DNM2: variants seen among roughly 807,000 people sequenced by gnomAD.
DNM2 encodes dynamin-2.
Under a neutral mutation model 99.0 loss-of-function variants are expected in DNM2, and 15 were observed. The observed-to-expected ratio is 0.15, with a 90% CI of 0.10 to 0.23. DNM2 has a LOEUF of 0.23. Among genes scored for constraint, DNM2 ranks in the 10% least tolerant of loss-of-function variants. DNM2 has a pLI of 1.00. For synonymous variants in DNM2, 525 were observed against 481.2 expected (o/e 1.09, Z -1.19); for missense variants, 742 against 1,189.4 (o/e 0.62, Z 5.53).
intron 1 of DNM2, chr19:10,718,611 G>A (rs906151391): frequency 5.5e-6 from 4 of 732,296 alleles, no homozygotes; most frequent in East Asian, 4.2e-5. Context: ...GGGCCCCAGG[G>A]GCGGTGTCAC....
At position 10,830,919 on chromosome 19, in the gene DNM2, T is replaced by C; in HGVS notation, c.2544-59T>C. On this transcript the variant is annotated intron_variant, in intron 20 of 20. Coordinates refer to ENST00000389253, the MANE Select transcript of DNM2 (RefSeq NM_001005361.3). This position sits in a 1 kb window ranked among gnomAD's most constrained non-coding sequence, Gnocchi z 4.8. Reference sequence around the variant, plus strand: ...GCTGGGTCCTCAACCCAGGCCTGCCTCTTGCTCCCGGCCTCACTGCCGTCT... The same window carrying C: ...GCTGGGTCCTCAACCCAGGCCTGCCCCTTGCTCCCGGCCTCACTGCCGTCT... The C allele has an allele frequency of 1.3e-6, 2 of 1,561,636 alleles. No individual in the cohort carries two copies. The highest frequency in any genetic ancestry group is 1.7e-6 in the Non-Finnish European group (2 of 1,150,550).
At position 10,831,225 on chromosome 19, in the gene DNM2, A is replaced by T; in HGVS notation, c.*178A>T. The T allele has an allele frequency of 1.4e-6, 2 of 1,380,676 alleles. No homozygotes were observed. 85.5% of individuals were successfully genotyped at this position (1,380,676 alleles called of 1,614,324 possible). A position where few individuals can be genotyped will look rare whatever the true frequency, so the allele number is the denominator to read the frequency against. On this transcript the variant is annotated 3_prime_UTR_variant, in exon 21 of 21. Transcript: ENST00000389253. This position sits in a 1 kb window ranked among gnomAD's most constrained non-coding sequence, Gnocchi z 4.3. ...GCCCCTGTGCCTGGCTGGACACCGC[A>T]CTGCGCAAAGGGGCCCTGGAGCTCC...
chr19:10,741,772 C>G (rs987233883), intron 1 of DNM2, among the ~76,000 whole-genome samples: 9 of 151,382 alleles, frequency 5.9e-5, no homozygotes, highest in Non-Finnish European at 1.3e-4. Flanking sequence ...AGGATGGTCT[C>G]TATCTCCTGA....
intron 6 of DNM2, among the ~76,000 whole-genome samples, chr19:10,783,702 A>ATTTTTTTTT (rs1335201078): frequency 7.0e-6 from 1 of 142,518 alleles, no homozygotes; most frequent in Non-Finnish European, 1.5e-5. Context: ...TATTATTATT[A>ATTTTTTTTT]TTATTTTTTA....
rs761890287 is a variant in DNM2 at position 10,831,056 on chromosome 19, G to T, written c.*9G>T. 1.9e-6 allele frequency: 3 copies of T among 1,598,448 alleles called. No homozygotes were observed. The highest frequency in any genetic ancestry group is 1.1e-5 in the South Asian group (1 of 88,542). The stretch of plus-strand genomic sequence containing the variant: ...CATCCCTGCTCGACTAGGCCTCGAG[G>T]GGGGCGTGCTCTCGGGGGGGCCTCA... On this transcript the variant is annotated 3_prime_UTR_variant, in exon 21 of 21. Transcript: ENST00000389253. This position sits in a 1 kb window ranked among gnomAD's most constrained non-coding sequence, Gnocchi z 4.3.
chr19:10,783,675 T>TTTATTA (rs374887052), intron 6 of DNM2, among the ~76,000 whole-genome samples: 22 of 141,314 alleles, frequency 1.6e-4, no homozygotes, highest in Non-Finnish European at 2.4e-4. Context: ...CTCTTTTTTA[T>TTTATTA]TTATTATTAT....
intron 1 of DNM2, chr19:10,755,290 A>G (rs1408798450): frequency 6.6e-6 from 1 of 152,166 alleles, no homozygotes; most frequent in African/African-American, 2.4e-5. Flanking sequence ...CTGTGATTGC[A>G]TCACATGCTG....
intron 1 of DNM2, among the ~76,000 whole-genome samples, chr19:10,758,323 CTCCCTCCTTCCT>C (rs1568282780): frequency 5.5e-4 from 36 of 64,926 alleles, no homozygotes; most frequent in African/African-American, 2.0e-3. Context: ...CCTTCCTTCC[CTCCCTCCTTCCT>C]TCCCTCCTTC....
At chr19:10,725,531 C>G (rs564309193) in intron 1 of DNM2, among the ~76,000 whole-genome samples, 18 of 151,842 alleles carry the variant, frequency 1.2e-4, no homozygotes, top group Middle Eastern at 3.4e-3. Context: ...GGAATTGGTA[C>G]AGTCCAGAGG....
chr19:10,732,821 G>A (rs1329186185), intron 1 of DNM2, among the ~76,000 whole-genome samples: 1 of 151,984 alleles, frequency 6.6e-6, no homozygotes, highest in African/African-American at 2.4e-5. Context: ...AACAGAATGT[G>A]ACTGTCTTGC....
chr19:10,736,092 G>A (rs191061918), intron 1 of DNM2, among the ~76,000 whole-genome samples: 82 of 152,002 alleles, frequency 5.4e-4, no homozygotes, highest in African/African-American at 1.8e-3. Context: ...GTGAAACTCC[G>A]TCTCTACTAA....
At chr19:10,753,981 G>A (rs1314780865) in intron 1 of DNM2, among the ~76,000 whole-genome samples, 2 of 152,104 alleles carry the variant, frequency 1.3e-5, no homozygotes, top group East Asian at 1.9e-4. Flanking sequence ...TAAGGTGATT[G>A]AAAATATATG....
intron 12 of DNM2, among the ~76,000 whole-genome samples, chr19:10,805,600 C>A (rs555107892): frequency 6.6e-6 from 1 of 152,290 alleles, no homozygotes; most frequent in South Asian, 2.1e-4. Flanking sequence ...TGCGCCACTG[C>A]ACTCATCTTA....
intron 1 of DNM2, among the ~76,000 whole-genome samples, chr19:10,732,455 C>T (rs1253962396): frequency 2.0e-5 from 3 of 151,650 alleles, no homozygotes; most frequent in Non-Finnish European, 4.4e-5. Context: ...AAAGAATTAG[C>T]TGGGCGTGGT....
At chr19:10,735,536 G>A (rs1453909304) in intron 1 of DNM2, among the ~76,000 whole-genome samples, 1 of 150,974 alleles carries the variant, frequency 6.6e-6, no homozygotes, top group Non-Finnish European at 1.5e-5. Context: ...TTTATTTTTG[G>A]AGAGTCTCGC....
At chr19:10,718,634 C>G in intron 1 of DNM2, 3 of 485,718 alleles carry the variant, frequency 6.2e-6, no homozygotes, top group Non-Finnish European at 9.3e-6. Context: ...GCCAGGGCGC[C>G]GTAGGACAGG....
Position 10,797,370 on chromosome 19 carries a change from C to T in DNM2, c.1197-10C>T. 6.2e-7 allele frequency: 1 copy of T among 1,612,160 alleles called. No individual in the cohort carries two copies. The highest frequency in any genetic ancestry group is 8.5e-7 in the Non-Finnish European group (1 of 1,179,952). Reference sequence around the variant, plus strand: ...TCTTTCTGCCTCATCCTGCCCTCCGCATGACCCAGGACGGGGCTCTTCACC... The same window carrying T: ...TCTTTCTGCCTCATCCTGCCCTCCGTATGACCCAGGACGGGGCTCTTCACC... On this transcript the variant is annotated splice_polypyrimidine_tract_variant and intron_variant, in intron 9 of 20. Coordinates refer to ENST00000389253, the MANE Select transcript of DNM2 (RefSeq NM_001005361.3).
intron 1 of DNM2, among the ~76,000 whole-genome samples, chr19:10,723,113 G>A (rs1361167624): frequency 1.3e-5 from 2 of 149,368 alleles, no homozygotes; most frequent in African/African-American, 2.5e-5. Flanking sequence ...CTACAGTTGC[G>A]AGCCACCACA....
At position 10,820,494 on chromosome 19, in the gene DNM2, G is replaced by C. The variant is rs1406767898; in HGVS notation, c.1781+405G>C. ...CGATGATGGGGCCAGAACCCATAGG[G>C]AAGGAGGGTGCAGATTCTGGGTAGA... On this transcript the variant is annotated intron_variant, in intron 16 of 20. Transcript: ENST00000389253. This position sits in a 1 kb window ranked among gnomAD's most constrained non-coding sequence, Gnocchi z 4.3. Among the ~76,000 whole-genome samples the C allele has an allele frequency of 6.6e-6, 1 of 152,254 alleles. No homozygotes were observed. Among genetic ancestry groups the C allele is most frequent in the Non-Finnish European group, 1.5e-5 (1 of 68,042 alleles).
Sources: gnomAD v4.1 joint callset for allele counts (sites outside exome capture counted in the v4.1 genomes callset) on GRCh38, gnomAD v4.1.1 for gene constraint, Gnocchi (gnomAD v3.1) non-coding constraint, MANE v1.5 for transcripts, NCBI Gene and HGNC (gene_info 2026-07-23, HGNC 2026-07-21) for gene names.